The following MGRN1 variants were observed in gnomAD, a reference collection of about 807,000 sequenced individuals.
MGRN1 encodes mahogunin ring finger 1.
MGRN1 carries 29 observed loss-of-function variants against 69.2 expected under a neutral mutation model. The ratio of observed to expected loss-of-function variants is 0.42; its 90% confidence interval spans 0.31 to 0.57. MGRN1 has a LOEUF of 0.57. MGRN1 is among the 20% of genes least tolerant of loss of function. The probability of loss-of-function intolerance (pLI) is 0.15; values close to 1 mark genes in which losing one functional copy is unlikely to be tolerated. For missense variants in MGRN1, 998 were observed against 796.2 expected (o/e 1.25, Z -3.05); for synonymous variants, 470 against 344.2 (o/e 1.37, Z -4.04).
At chr16:4,639,282 C>G (rs1032796776) in intron 1 of MGRN1, among the ~76,000 whole-genome samples, 2 of 152,228 alleles carry the variant, frequency 1.3e-5, no homozygotes, top group African/African-American at 4.8e-5. Flanking sequence ...AGAATGGCGG[C>G]GGGAGCGTTG....
intron 5 of MGRN1, among the ~76,000 whole-genome samples, chr16:4,663,367 T>TTG (rs2078726792): frequency 8.6e-6 from 1 of 116,400 alleles, no homozygotes; most frequent in Non-Finnish European, 2.0e-5. Flanking sequence ...CTGGCCTTGT[T>TTG]TTTTTTTTTT....
chr16:4,655,196 T>G (rs1596285787), intron 4 of MGRN1, among the ~76,000 whole-genome samples: 3 of 151,994 alleles, frequency 2.0e-5, no homozygotes, highest in East Asian at 3.9e-4. Context: ...AGAGAGGGTG[T>G]GGGCTGAGGA....
In MGRN1 at chr16:4,689,219, C is replaced by T. The variant is rs749712694; in HGVS notation, c.*311C>T. Reference sequence around the variant, plus strand: ...GGCTGGGGCTGCCCACGTGTGGCCTCCGCTGGCTCTGCCTGCTCCTGCAAC... The same window carrying T: ...GGCTGGGGCTGCCCACGTGTGGCCTTCGCTGGCTCTGCCTGCTCCTGCAAC... On this transcript the variant is annotated 3_prime_UTR_variant, in exon 17 of 17. Coordinates refer to ENST00000262370, the MANE Select transcript of MGRN1 (RefSeq NM_015246.4). The T allele has an allele frequency of 2.0e-4, 64 of 316,042 alleles. No individual in the cohort carries two copies. Among genetic ancestry groups the T allele is most frequent in the Non-Finnish European group, 3.2e-4 (55 of 171,786 alleles). The allele number at this position is 316,042 out of a possible 1,614,324, so 19.6% of individuals were successfully genotyped here.
At chr16:4,668,973 C>G (rs757069887) in intron 8 of MGRN1, 6 of 150,552 alleles carry the variant, frequency 4.0e-5, no homozygotes, top group Non-Finnish European at 7.5e-5. Flanking sequence ...CATACAATCA[C>G]TCACGCACAT....
At chr16:4,682,378 C>T (rs941137190) in intron 13 of MGRN1, among the ~76,000 whole-genome samples, 1 of 152,234 alleles carries the variant, frequency 6.6e-6, no homozygotes, top group Non-Finnish European at 1.5e-5. Context: ...CGGCGGCTGC[C>T]AGGGGGACTC....
chr16:4,659,794 A>C (rs542500623), intron 5 of MGRN1, among the ~76,000 whole-genome samples: 19 of 152,356 alleles, frequency 1.2e-4, no homozygotes, highest in African/African-American at 4.3e-4. Flanking sequence ...CCAGAGACTT[A>C]CTGGTGTAGA....
rs563913699 is a variant in MGRN1, at chr16:4,666,886, C to G, written c.679-1379C>G. ...TTTGATGTCTGGCACAGAGCAGACA[C>G]TCAGAACACTGGCAGGATGGACGAG... On this transcript the variant is annotated intron_variant, in intron 7 of 16. Coordinates refer to ENST00000262370, the MANE Select transcript of MGRN1 (RefSeq NM_015246.4). Among the ~76,000 whole-genome samples the G allele has an allele frequency of 3.3e-5, 5 of 152,306 alleles. No homozygotes were observed. The South Asian group carries it at 1.0e-3, about 32-fold the overall frequency.
chr16:4,662,177 T>G (rs75424361), intron 5 of MGRN1, among the ~76,000 whole-genome samples: 1,555 of 152,310 alleles, frequency 0.01, 34 homozygotes, highest in African/African-American at 0.035. Flanking sequence ...ATTCGCTGTG[T>G]TGACAAATGT....
intron 10 of MGRN1, 147 bp from the exon 11 acceptor site, chr16:4,677,314 AAG>A (rs2079073918): frequency 2.1e-6 from 1 of 473,204 alleles, no homozygotes; most frequent in Non-Finnish European, 3.6e-6. Context: ...TTAAAACTAA[AAG>A]AAAAAAAAAA....
intron 1 of MGRN1, among the ~76,000 whole-genome samples, chr16:4,628,656 T>C (rs975554411): frequency 2.0e-5 from 3 of 152,146 alleles, no homozygotes; most frequent in Non-Finnish European, 2.9e-5. Flanking sequence ...GCAATTCTCC[T>C]GTTTCAGCCT....
chr16:4,649,981 A>G (rs1396974970), intron 1 of MGRN1: 1 of 166,712 alleles, frequency 6.0e-6, no homozygotes, highest in Admixed American at 6.2e-5. Context: ...AGATGTTCCC[A>G]CCAGGCTGTG....
chr16:4,672,131 C>T (rs1381356299), intron 9 of MGRN1, among the ~76,000 whole-genome samples: 1 of 152,144 alleles, frequency 6.6e-6, no homozygotes, highest in Non-Finnish European at 1.5e-5. Flanking sequence ...GTCTTGATCT[C>T]CTGACCTTGT....
At chr16:4,627,134 C>T (rs1304156398) in intron 1 of MGRN1, among the ~76,000 whole-genome samples, 2 of 152,286 alleles carry the variant, frequency 1.3e-5, no homozygotes, top group South Asian at 2.1e-4. Context: ...GGTGTGTTTC[C>T]CCAAGGGCAG....
chr16:4,658,073 T>C (rs1053018372), intron 5 of MGRN1, among the ~76,000 whole-genome samples: 5 of 151,936 alleles, frequency 3.3e-5, no homozygotes, highest in African/African-American at 9.7e-5. Flanking sequence ...CCAGGTCTTT[T>C]GTAGGTTGCG....
At chr16:4,684,072 C>T in intron 16 of MGRN1, 140 bp downstream of exon 16, 1 of 771,140 alleles carries the variant, frequency 1.3e-6, no homozygotes, top group South Asian at 1.8e-5. Context: ...TCAGCCATGC[C>T]CCTGCTATTG....
chr16:4,627,262 GAGAA>G (rs1897726508), intron 1 of MGRN1, among the ~76,000 whole-genome samples: 1 of 152,228 alleles, frequency 6.6e-6, no homozygotes, highest in African/African-American at 2.4e-5. Context: ...TTATGTCAAG[GAGAA>G]AGAGTCACTG....
At chr16:4,688,190 GC>G (rs1479448995) in intron 16 of MGRN1, 6 of 985,592 alleles carry the variant, frequency 6.1e-6, no homozygotes, top group Non-Finnish European at 7.2e-6. Flanking sequence ...GGCCATGCTG[GC>G]CCCGTCCCAG....
chr16:4,637,154 G>A (rs1413893369), intron 1 of MGRN1, among the ~76,000 whole-genome samples: 1 of 149,728 alleles, frequency 6.7e-6, no homozygotes, highest in Non-Finnish European at 1.5e-5. Context: ...GAGTGGCCAG[G>A]TTCAGTGGCT....
chr16:4,668,797 TACAC>T (rs944511243), intron 8 of MGRN1, among the ~76,000 whole-genome samples: 11 of 150,434 alleles, frequency 7.3e-5, no homozygotes, highest in East Asian at 2.0e-4. Flanking sequence ...CATATACACA[TACAC>T]ACACGTATAC....
Sources: gnomAD v4.1 joint callset for allele counts (sites outside exome capture counted in the v4.1 genomes callset) on GRCh38, gnomAD v4.1.1 for gene constraint, MANE v1.5 for transcripts, NCBI Gene and HGNC (gene_info 2026-07-23, HGNC 2026-07-21) for gene names.